The following NUDT9 variants were observed in gnomAD, a reference collection of about 807,000 sequenced individuals.
NUDT9 encodes nudix hydrolase 9, also known as ADP-ribose pyrophosphatase.
A neutral mutation model predicts 41.0 loss-of-function variants in NUDT9; 31 were observed. The observed-to-expected ratio is 0.76, with a 90% CI of 0.57 to 1.02. The LOEUF is 1.02. Ranked by LOEUF, NUDT9 falls within the 50% of genes least tolerant of loss-of-function variation. The pLI is 0.00. For synonymous variants in NUDT9, 146 were observed against 147.6 expected (o/e 0.99, Z 0.08); for missense variants, 380 against 431.4 (o/e 0.88, Z 1.06).
chr4:87,432,764 T>C lies in NUDT9; in HGVS notation c.108-2217T>C, dbSNP rs1048598512. On this transcript the variant is annotated intron_variant, in intron 1 of 7. Coordinates refer to ENST00000302174, the MANE Select transcript of NUDT9 (RefSeq NM_024047.5). ...AATTTTTCTGCATCAATCAAGAAGA[T>C]TGTGTTTTTTTTTTTTATTTTGTTA... Among the ~76,000 whole-genome samples the C allele has an allele frequency of 4.7e-5, 7 of 148,550 alleles. 1 individual carries two copies. Among genetic ancestry groups the C allele is most frequent in the Non-Finnish European group, 9.0e-5 (6 of 66,918 alleles).
At chr4:87,438,978 C>G (rs931522015) in intron 3 of NUDT9, among the ~76,000 whole-genome samples, 1 of 151,846 alleles carries the variant, frequency 6.6e-6, no homozygotes, top group Non-Finnish European at 1.5e-5. Context: ...ACCAGCCTGA[C>G]CAACATGGAG....
chr4:87,443,911 G>A (rs1011231288), intron 4 of NUDT9, among the ~76,000 whole-genome samples: 12 of 152,142 alleles, frequency 7.9e-5, no homozygotes, highest in African/African-American at 2.9e-4. Context: ...GTTTCAGAAC[G>A]GGGGAGAGGC....
At chr4:87,438,158 C>G in intron 2 of NUDT9, 119 bp from the exon 3 acceptor site, 1 of 378,552 alleles carries the variant, frequency 2.6e-6, no homozygotes, top group Non-Finnish European at 4.7e-6. Flanking sequence ...AAAAAACTAA[C>G]CCTTAAAAAT....
At chr4:87,423,939 T>A (rs1335590888) in intron 1 of NUDT9, among the ~76,000 whole-genome samples, 2 of 152,206 alleles carry the variant, frequency 1.3e-5, no homozygotes, top group African/African-American at 4.8e-5. Context: ...TGGAGCAACT[T>A]CTCTGCTGAG....
At chr4:87,447,557 G>A (rs1722515083) in intron 4 of NUDT9, among the ~76,000 whole-genome samples, 1 of 151,802 alleles carries the variant, frequency 6.6e-6, no homozygotes, top group South Asian at 2.1e-4. Context: ...GGTTGATATG[G>A]AGGTGAGGAA....
At chr4:87,427,119 CAA>C (rs1183449352) in intron 1 of NUDT9, among the ~76,000 whole-genome samples, 34 of 66,172 alleles carry the variant, frequency 5.1e-4, no homozygotes, top group Admixed American at 1.1e-3. Flanking sequence ...GGCCTTGTCT[CAA>C]AAAAAAAAAA....
intron 5 of NUDT9, among the ~76,000 whole-genome samples, chr4:87,450,424 G>A (rs1294645141): frequency 3.7e-5 from 5 of 134,596 alleles, no homozygotes; most frequent in African/African-American, 5.6e-5. Flanking sequence ...TCTGTTGCCC[G>A]GCTGGAGTGC....
At chr4:87,435,417 A>G (rs1721884552) in intron 2 of NUDT9, among the ~76,000 whole-genome samples, 197 bp downstream of exon 2, 1 of 152,216 alleles carries the variant, frequency 6.6e-6, no homozygotes, top group Non-Finnish European at 1.5e-5. Context: ...GGGTTTTATG[A>G]GGATACTTCC....
rs1723114103 is a variant in NUDT9 at position 87,459,314 on chromosome 4, ATAAC to A, written c.*1297_*1300del. 1 of 152,224 alleles carries A rather than the reference ATAAC, an allele frequency of 6.6e-6. No individual in the cohort carries two copies. The highest frequency in any genetic ancestry group is 2.1e-4 in the South Asian group (1 of 4,838). 9.4% of individuals were successfully genotyped at this position (152,224 alleles called of 1,614,324 possible). A position where few individuals can be genotyped will look rare whatever the true frequency, so the allele number is the denominator to read the frequency against. On this transcript the variant is annotated 3_prime_UTR_variant, in exon 8 of 8. Transcript: ENST00000302174. ...GGGAGGAGGGAGAGGATCAGGAAAA[ATAAC>A]TAATGAGTACTAGGCTTAATACCTT...
chr4:87,453,687 C>T (rs1031337917), intron 6 of NUDT9, among the ~76,000 whole-genome samples: 69 of 152,150 alleles, frequency 4.5e-4, no homozygotes, highest in African/African-American at 1.6e-3. Context: ...CTCCGCCTCC[C>T]AAAGTGCTGG....
At chr4:87,442,451 C>A (rs963587564) in intron 4 of NUDT9, among the ~76,000 whole-genome samples, 1 of 152,156 alleles carries the variant, frequency 6.6e-6, no homozygotes, top group Non-Finnish European at 1.5e-5. Context: ...ACATTACTGT[C>A]CCCTATTGTA....
intron 1 of NUDT9, among the ~76,000 whole-genome samples, chr4:87,429,028 C>T: frequency 6.6e-6 from 1 of 152,094 alleles, no homozygotes; most frequent in East Asian, 1.9e-4. Flanking sequence ...GCCTTTAGGG[C>T]AGTGAAACTT....
At chr4:87,442,172 T>C (rs969061645) in intron 4 of NUDT9, among the ~76,000 whole-genome samples, 5 of 152,224 alleles carry the variant, frequency 3.3e-5, no homozygotes, top group African/African-American at 9.6e-5. Flanking sequence ...GGTGCAATTG[T>C]ATAAGTAGTA....
chr4:87,445,553 G>C (rs1174996680), intron 4 of NUDT9: 1 of 152,140 alleles, frequency 6.6e-6, no homozygotes, highest in Non-Finnish European at 1.5e-5. Flanking sequence ...GTCAAAATGA[G>C]TTGGGAAGTG....
At chr4:87,438,162 TA>T (rs1007248477) in intron 2 of NUDT9, 114 bp from the exon 3 acceptor site, 2 of 505,258 alleles carry the variant, frequency 4.0e-6, no homozygotes, top group African/African-American at 2.0e-5. Context: ...AACTAACCCT[TA>T]AAAATTTATT....
chr4:87,454,470 A>T lies in NUDT9; in HGVS notation c.874+15A>T. The T allele has an allele frequency of 6.6e-7, 1 of 1,511,086 alleles. No homozygotes were observed. The highest frequency in any genetic ancestry group is 9.2e-7 in the Non-Finnish European group (1 of 1,086,154). 93.6% of individuals were successfully genotyped at this position (1,511,086 alleles called of 1,614,324 possible). On this transcript the variant is annotated intron_variant, in intron 7 of 7. Transcript: ENST00000302174. ...TGACGAAACAGGTAACTTTATATTT[A>T]TTAAACTGGCTGGGATTAAAGGATC...
Position 87,422,762 on chromosome 4 carries a change from C to A in NUDT9, c.-144C>A. 1 of 430,124 alleles carries A rather than the reference C, an allele frequency of 2.3e-6. No homozygotes were observed. Among genetic ancestry groups the A allele is most frequent in the East Asian group, 4.7e-5 (1 of 21,098 alleles). The allele number at this position is 430,124 out of a possible 1,614,324, so 26.6% of individuals were successfully genotyped here. On this transcript the variant is annotated 5_prime_UTR_variant, in exon 1 of 8. Coordinates refer to ENST00000302174, the MANE Select transcript of NUDT9 (RefSeq NM_024047.5). The stretch of plus-strand genomic sequence containing the variant: ...ATCTGTGATTTATAGATAGGCACAG[C>A]TACTCCCGTTCGGGAACCCAACGGC...
At chr4:87,427,256 T>C (rs1425458240) in intron 1 of NUDT9, among the ~76,000 whole-genome samples, 1 of 152,052 alleles carries the variant, frequency 6.6e-6, no homozygotes, top group Non-Finnish European at 1.5e-5. Flanking sequence ...ATTATGACAA[T>C]GATTGTTGCA....
At chr4:87,440,859 G>GTA (rs1187345423) in intron 3 of NUDT9, among the ~76,000 whole-genome samples, 56 of 150,252 alleles carry the variant, frequency 3.7e-4, no homozygotes, top group South Asian at 3.0e-3. Context: ...AAAAAAATAT[G>GTA]TATATATATA....
Sources: gnomAD v4.1 joint callset for allele counts (sites outside exome capture counted in the v4.1 genomes callset) on GRCh38, gnomAD v4.1.1 for gene constraint, MANE v1.5 for transcripts, NCBI Gene and HGNC (gene_info 2026-07-23, HGNC 2026-07-21) for gene names.